GOLGA1: variants seen among roughly 807,000 people sequenced by gnomAD.
GOLGA1 encodes the protein golgin subfamily A member 1.
GOLGA1 carries 63 observed loss-of-function variants against 119.7 expected under a neutral mutation model. The observed-to-expected ratio is 0.53, with a 90% CI of 0.43 to 0.65. GOLGA1 has a LOEUF of 0.65. GOLGA1 is among the 30% of genes least tolerant of loss of function. GOLGA1 has a pLI of 0.00. For missense variants in GOLGA1, 798 were observed against 912.8 expected (o/e 0.87, Z 1.62); for synonymous variants, 318 against 333.4 (o/e 0.95, Z 0.50).
At chr9:124,893,107 G>A (rs1313401689) in intron 15 of GOLGA1, among the ~76,000 whole-genome samples, 6 of 152,068 alleles carry the variant, frequency 3.9e-5, no homozygotes, top group East Asian at 1.9e-4. Flanking sequence ...TCAAGAGAGC[G>A]TCCTGCCCCA....
At chr9:124,887,221 C>T (rs1043196188) in intron 19 of GOLGA1, among the ~76,000 whole-genome samples, 1 of 152,096 alleles carries the variant, frequency 6.6e-6, no homozygotes, top group African/African-American at 2.4e-5. Context: ...AGGGGACAAA[C>T]GGGAAATTTG....
At chr9:124,885,116 CAA>C (rs1829689027) in intron 19 of GOLGA1, among the ~76,000 whole-genome samples, 1 of 152,148 alleles carries the variant, frequency 6.6e-6, no homozygotes, top group African/African-American at 2.4e-5. Context: ...ATCACGAGGT[CAA>C]GAGATCGAGA....
At chr9:124,883,245 C>T (rs1196620284) in intron 19 of GOLGA1, among the ~76,000 whole-genome samples, 2 of 149,668 alleles carry the variant, frequency 1.3e-5, no homozygotes, top group Non-Finnish European at 3.0e-5. Flanking sequence ...TACAGGCACA[C>T]ACCACCATGC....
At chr9:124,938,471 G>A in intron 3 of GOLGA1, 106 bp downstream of exon 3, 2 of 937,772 alleles carry the variant, frequency 2.1e-6, no homozygotes, top group Non-Finnish European at 3.3e-6. Flanking sequence ...ACAGGCTCTT[G>A]TACAGCTATA....
intron 6 of GOLGA1, among the ~76,000 whole-genome samples, chr9:124,927,568 TTATAA>T (rs770772510): frequency 1.6e-4 from 24 of 152,220 alleles, no homozygotes; most frequent in Non-Finnish European, 2.1e-4. Context: ...AAAATTAACA[TTATAA>T]TATATTGATG....
intron 10 of GOLGA1, among the ~76,000 whole-genome samples, chr9:124,920,383 G>A (rs866163596): frequency 6.6e-6 from 1 of 151,708 alleles, no homozygotes; most frequent in Non-Finnish European, 1.5e-5. Context: ...ACAGGCTTGA[G>A]TCACTGTGCT....
Position 124,929,395 on chromosome 9 carries a change from G to A in GOLGA1, c.227-105C>T, listed in dbSNP as rs1830733462. On this transcript the variant is annotated intron_variant, in intron 4 of 22. Transcript: ENST00000373555. ...GAAATGATGATGATTTTCTTAACCT[G>A]AAAACCATTCCTGTTAAGGAAAGCT... 5 of 758,850 alleles carry A rather than the reference G, an allele frequency of 6.6e-6. No individual in the cohort carries two copies. In the South Asian group the frequency reaches 7.3e-5, roughly 11 times the overall value. The allele number at this position is 758,850 out of a possible 1,614,324, so 47.0% of individuals were successfully genotyped here.
chr9:124,926,749 A>C lies in GOLGA1; in HGVS notation c.400-8T>G. ...CATCTTTTCTGACCATTCCTAAAAC[A>C]AAACAATAAAAAAGTATGGTTTCCA... On this transcript the variant is annotated splice_region_variant and splice_polypyrimidine_tract_variant and intron_variant, in intron 6 of 22. Coordinates refer to ENST00000373555, the MANE Select transcript of GOLGA1 (RefSeq NM_002077.4). 1 of 1,523,760 alleles carries C rather than the reference A, an allele frequency of 6.6e-7. No individual in the cohort carries two copies. Among genetic ancestry groups the C allele is most frequent in the Non-Finnish European group, 9.0e-7 (1 of 1,108,558 alleles). 94.4% of individuals were successfully genotyped at this position (1,523,760 alleles called of 1,614,324 possible).
chr9:124,908,322 C>T, intron 12 of GOLGA1, 55 bp downstream of exon 12: 1 of 890,494 alleles, frequency 1.1e-6, no homozygotes, highest in Non-Finnish European at 1.9e-6. Flanking sequence ...CACCATGTTG[C>T]CATTCAGCCA....
chr9:124,883,604 C>T (rs567257756), intron 19 of GOLGA1, among the ~76,000 whole-genome samples: 11 of 152,252 alleles, frequency 7.2e-5, no homozygotes, highest in South Asian at 6.2e-4. Flanking sequence ...CCCACCACCA[C>T]GCCCGGCTAA....
At chr9:124,924,486 G>C (rs1365850048) in intron 7 of GOLGA1, among the ~76,000 whole-genome samples, 2 of 151,592 alleles carry the variant, frequency 1.3e-5, no homozygotes, top group African/African-American at 4.8e-5. Flanking sequence ...AAAAAAATTA[G>C]CCAGGCATGG....
intron 15 of GOLGA1, among the ~76,000 whole-genome samples, chr9:124,891,186 C>T (rs1427036635): frequency 1.3e-5 from 2 of 152,126 alleles, no homozygotes; most frequent in South Asian, 2.1e-4. Context: ...TCTGCCCTAG[C>T]GCCTCAGAGC....
chr9:124,894,755 T>C (rs1829926264), intron 15 of GOLGA1, among the ~76,000 whole-genome samples: 1 of 152,182 alleles, frequency 6.6e-6, no homozygotes, highest in Non-Finnish European at 1.5e-5. Context: ...ACAAGACATT[T>C]GGCAATGTCT....
At chr9:124,914,434 G>A (rs929779236) in intron 10 of GOLGA1, among the ~76,000 whole-genome samples, 3 of 152,148 alleles carry the variant, frequency 2.0e-5, no homozygotes, top group Admixed American at 2.0e-4. Context: ...CTGGGAGGCG[G>A]AGCTTGCAGT....
intron 19 of GOLGA1, among the ~76,000 whole-genome samples, chr9:124,883,498 T>C (rs909139876): frequency 2.0e-5 from 3 of 151,858 alleles, no homozygotes; most frequent in African/African-American, 7.3e-5. Flanking sequence ...CTAGGCTGGA[T>C]TGCAGGTGAC....
At chr9:124,901,412 A>G (rs1830102755) in intron 12 of GOLGA1, among the ~76,000 whole-genome samples, 1 of 150,710 alleles carries the variant, frequency 6.6e-6, no homozygotes, top group South Asian at 2.1e-4. Flanking sequence ...CTAGGACTAC[A>G]AGCGCACGCC....
At chr9:124,900,336 T>A (rs1412100405) in intron 13 of GOLGA1, 116 bp downstream of exon 13, 1 of 632,106 alleles carries the variant, frequency 1.6e-6, no homozygotes, top group Non-Finnish European at 2.9e-6. Context: ...AAGAACTGTA[T>A]CTATGGGCAG....
chr9:124,900,974 T>C (rs527919084), intron 12 of GOLGA1, among the ~76,000 whole-genome samples: 89 of 150,822 alleles, frequency 5.9e-4, no homozygotes, highest in Admixed American at 2.8e-3. Context: ...CACAGTATTT[T>C]TTTTTTTTTT....
upstream of GOLGA1, chr9:124,942,915 TCA>T (rs754704601): frequency 6.6e-6 from 1 of 152,254 alleles, no homozygotes; most frequent in Non-Finnish European, 1.5e-5. Context: ...CTCTGCAGAA[TCA>T]CAGTGTTTAC....
Sources: gnomAD v4.1 joint callset for allele counts (sites outside exome capture counted in the v4.1 genomes callset) on GRCh38, gnomAD v4.1.1 for gene constraint, MANE v1.5 for transcripts, NCBI Gene and HGNC (gene_info 2026-07-23, HGNC 2026-07-21) for gene names.